The following SASH1 variants were observed in gnomAD, a reference collection of about 807,000 sequenced individuals.
SASH1 encodes the protein SAM and SH3 domain-containing protein 1.
In SASH1, 44 loss-of-function variants were observed where a neutral mutation model predicts 125.2. The ratio of observed to expected loss-of-function variants is 0.35; its 90% confidence interval spans 0.28 to 0.45. The LOEUF (loss-of-function observed/expected upper bound fraction) is 0.45, where lower values mean the gene tolerates loss of function less well. SASH1 is among the 20% of genes least tolerant of loss of function. SASH1 has a pLI of 1.00. For synonymous variants in SASH1, 639 were observed against 649.1 expected (o/e 0.98, Z 0.24); for missense variants, 1,426 against 1,614.5 (o/e 0.88, Z 2.00).
chr6:148,396,466 G>C (rs1783954395), intron 2 of SASH1, among the ~76,000 whole-genome samples: 1 of 108,164 alleles, frequency 9.2e-6, no homozygotes, highest in African/African-American at 3.7e-5. Context: ...GCCAGAGTGA[G>C]ACTGCATCTC....
intron 1 of SASH1, among the ~76,000 whole-genome samples, chr6:148,311,003 T>C (rs545140145): frequency 1.4e-4 from 21 of 152,284 alleles, no homozygotes; most frequent in Admixed American, 3.9e-4. Flanking sequence ...GGTCTCAAAC[T>C]CCTGGGCTCA....
intron 2 of SASH1, among the ~76,000 whole-genome samples, chr6:148,392,607 C>T (rs1360084874): frequency 6.6e-6 from 1 of 152,170 alleles, no homozygotes; most frequent in Non-Finnish European, 1.5e-5. Context: ...TTTTCTTAAC[C>T]AAGTAAACAT....
intron 1 of SASH1, among the ~76,000 whole-genome samples, chr6:148,280,836 G>T (rs1271171093): frequency 3.3e-5 from 5 of 152,104 alleles, no homozygotes; most frequent in Non-Finnish European, 7.4e-5. Flanking sequence ...GAGACAGAGA[G>T]AGAGAAAGAG....
At chr6:148,536,371 CT>C in intron 16 of SASH1, among the ~76,000 whole-genome samples, 1 of 152,204 alleles carries the variant, frequency 6.6e-6, no homozygotes, top group Non-Finnish European at 1.5e-5. Context: ...CAGAATTTCA[CT>C]CTCGTTGCCC....
intron 7 of SASH1, among the ~76,000 whole-genome samples, chr6:148,476,344 G>T (rs554203073): frequency 6.7e-6 from 1 of 149,474 alleles, no homozygotes; most frequent in Non-Finnish European, 1.5e-5. Context: ...CATTAAAATG[G>T]CTATGCTACC....
intron 10 of SASH1, 178 bp downstream of exon 10, chr6:148,520,071 A>G (rs1583293111): frequency 1.7e-6 from 1 of 583,544 alleles, no homozygotes; most frequent in Non-Finnish European, 3.0e-6. Flanking sequence ...CGTCACCAGC[A>G]CCACCTGTGA....
chr6:148,498,229 A>G (rs1365199831), intron 8 of SASH1, among the ~76,000 whole-genome samples: 1 of 64,542 alleles, frequency 1.5e-5, no homozygotes. Context: ...ACAAAAACAA[A>G]CAAACAAAAA....
At chr6:148,340,723 T>G (rs1410120306), upstream of SASH1, among the ~76,000 whole-genome samples, 1 of 152,216 alleles carries the variant, frequency 6.6e-6, no homozygotes, top group Non-Finnish European at 1.5e-5. Context: ...GGCATCAGCC[T>G]AGGAAAGCAC....
intron 8 of SASH1, among the ~76,000 whole-genome samples, chr6:148,491,085 T>C (rs1048596796): frequency 2.0e-5 from 3 of 152,348 alleles, no homozygotes; most frequent in Admixed American, 2.0e-4. Flanking sequence ...TATGTGCTTT[T>C]GTTAAACTGG....
intron 6 of SASH1, among the ~76,000 whole-genome samples, chr6:148,473,249 A>G (rs1437294394): frequency 6.6e-6 from 1 of 151,876 alleles, no homozygotes; most frequent in Non-Finnish European, 1.5e-5. Flanking sequence ...AGCATTTTTT[A>G]TTTATTTATT....
the SASH1 span, among the ~76,000 whole-genome samples, chr6:148,229,824 G>A: frequency 6.8e-6 from 1 of 148,102 alleles, no homozygotes; most frequent in South Asian, 2.1e-4. Context: ...CGATTCTCCT[G>A]TCTCAGTCTC....
rs1238105326 is a variant in SASH1 at position 148,525,310 on chromosome 6, G to T, written c.1229G>T (p.Gly410Val). 2 of 1,613,968 alleles carry T rather than the reference G, an allele frequency of 1.2e-6. No homozygotes were observed. The highest frequency in any genetic ancestry group is 1.7e-6 in the Non-Finnish European group (2 of 1,180,002). The change falls in exon 11 of 20, where the codon GGA (glycine) becomes GTA (valine). Residue 410 changes from glycine (G) to valine (V), a missense_variant. By Grantham distance (109) the Gly-to-Val change is moderately radical. This residue lies in a region of SASH1 where 567 missense variants were observed against 575.6 expected (regional missense o/e 0.99). Coordinates refer to ENST00000367467, the MANE Select transcript of SASH1 (RefSeq NM_015278.5). ...CCACAGAGAACCTGCAGTTTTGGAG[G>T]ATTTGACTTGACGAATCGCTCTCTG... Reference protein sequence around the residue: ...LSHGRTCSFGGFDLTNRSLHV... With the variant: ...LSHGRTCSFGVFDLTNRSLHV...
At chr6:148,494,829 A>G (rs903726027) in intron 8 of SASH1, among the ~76,000 whole-genome samples, 1 of 152,332 alleles carries the variant, frequency 6.6e-6, no homozygotes, top group South Asian at 2.1e-4. Context: ...CAGACACAGA[A>G]TGCCGTGGAG....
At chr6:148,534,703 G>T (rs1470402811) in intron 15 of SASH1, 48 bp from the exon 16 acceptor site, 4 of 1,604,178 alleles carry the variant, frequency 2.5e-6, no homozygotes, top group East Asian at 2.2e-5. Flanking sequence ...GTGTTATCAT[G>T]TGTCTGGGCT....
chr6:148,503,574 C>G (rs541275452), intron 8 of SASH1, among the ~76,000 whole-genome samples: 10 of 152,042 alleles, frequency 6.6e-5, no homozygotes, highest in Non-Finnish European at 1.0e-4. Context: ...CGGTGCACAC[C>G]AGGGGCCTGG....
intron 4 of SASH1, among the ~76,000 whole-genome samples, chr6:148,447,746 C>T (rs1192468796): frequency 6.6e-6 from 1 of 151,780 alleles, no homozygotes; most frequent in Non-Finnish European, 1.5e-5. Context: ...TCTTCCTCCT[C>T]CTCCTCCTCG....
intron 1 of SASH1, among the ~76,000 whole-genome samples, chr6:148,294,454 T>C (rs1405283216): frequency 1.3e-5 from 2 of 152,166 alleles, no homozygotes; most frequent in African/African-American, 4.8e-5. Context: ...CTCACCAGAA[T>C]GAAGTCCAAA....
chr6:148,204,897 C>A, the SASH1 span, among the ~76,000 whole-genome samples: 2 of 152,192 alleles, frequency 1.3e-5, no homozygotes, highest in Admixed American at 6.5e-5. Context: ...CATGAGCTAT[C>A]ATGGTCCTCA....
intron 4 of SASH1, among the ~76,000 whole-genome samples, chr6:148,457,493 C>T (rs566094699): frequency 1.1e-4 from 16 of 152,204 alleles, no homozygotes; most frequent in African/African-American, 2.9e-4. Flanking sequence ...TGACTAATTG[C>T]GTGACCTTGG....
Sources: allele counts gnomAD v4.1 joint callset (sites outside exome capture counted in the v4.1 genomes callset), GRCh38; gene constraint gnomAD v4.1.1; regional missense constraint gnomAD v4.1.1; transcripts MANE v1.5; gene names NCBI Gene and HGNC (gene_info 2026-07-23, HGNC 2026-07-21).